SPSB1: variants seen among roughly 807,000 people sequenced by gnomAD.
The protein encoded by SPSB1 is splA/ryanodine receptor domain and SOCS box containing 1, also known as SPRY domain-containing SOCS box protein 1.
In SPSB1, 8 loss-of-function variants were observed where a neutral mutation model predicts 21.2. The observed-to-expected ratio is 0.38, with a 90% CI of 0.22 to 0.68. The LOEUF is 0.68. Ranked by LOEUF, SPSB1 falls within the 30% of genes least tolerant of loss-of-function variation. The pLI is 0.53. For synonymous variants in SPSB1, 169 were observed against 161.7 expected (o/e 1.05, Z -0.34); for missense variants, 242 against 377.8 (o/e 0.64, Z 2.98).
At chr1:9,359,856 G>GGGGGGGGCGGGGGC (rs1640440762) in intron 2 of SPSB1, among the ~76,000 whole-genome samples, 1 of 148,850 alleles carries the variant, frequency 6.7e-6, no homozygotes, top group African/African-American at 2.5e-5. Context: ...CCGGGGGGGT[G>GGGGGGGGCGGGGGC]GGTGGCGGGG....
chr1:9,341,126 T>C (rs528149713), intron 1 of SPSB1, among the ~76,000 whole-genome samples: 1 of 152,286 alleles, frequency 6.6e-6, no homozygotes, highest in East Asian at 1.9e-4. Flanking sequence ...GTTCTCAAAA[T>C]GTGATAAATG....
intron 1 of SPSB1, among the ~76,000 whole-genome samples, chr1:9,341,919 C>G (rs1640098157): frequency 6.6e-6 from 1 of 152,192 alleles, no homozygotes; most frequent in Non-Finnish European, 1.5e-5. Context: ...TCAGGCTGGT[C>G]TCGAACTCCC....
chr1:9,304,612 G>C (rs191717725), intron 1 of SPSB1, among the ~76,000 whole-genome samples: 104 of 152,278 alleles, frequency 6.8e-4, no homozygotes, highest in African/African-American at 2.4e-3. Context: ...TGTAGAGAAG[G>C]GTGAAGAATT....
rs1553128958 is a variant in SPSB1 at position 9,361,156 on chromosome 1, C to CCTTTTTTTTTTTTTTTTTTTTTTTTTTT, written c.694+4571_694+4572insCTTTTTTTTTTTTTTTTTTTTTTTTTTT. Among the ~76,000 whole-genome samples, 5 of 102,576 alleles carry CCTTTTTTTTTTTTTTTTTTTTTTTTTTT rather than the reference C, an allele frequency of 4.9e-5. 2 individuals are homozygous for CCTTTTTTTTTTTTTTTTTTTTTTTTTTT. The highest frequency in any genetic ancestry group is 2.0e-4 in the Admixed American group (2 of 9,786). 67.3% of individuals were successfully genotyped at this position (102,576 alleles called of 152,430 possible). A position where few individuals can be genotyped will look rare whatever the true frequency, so the allele number is the denominator to read the frequency against. ...CAGGCATGGCTGGATCTGTCATTTT[C>CCTTTTTTTTTTTTTTTTTTTTTTTTTTT]TTTTTTTTTTTTTTTTTTTTTTTTT... On this transcript the variant is annotated intron_variant, in intron 2 of 2. Coordinates refer to ENST00000328089, the MANE Select transcript of SPSB1 (RefSeq NM_025106.4).
At chr1:9,299,040 A>G (rs191647833) in intron 1 of SPSB1, among the ~76,000 whole-genome samples, 2,098 of 152,198 alleles carry the variant, frequency 0.014, 28 homozygotes, top group Non-Finnish European at 0.017. Flanking sequence ...TCCCCATTCA[A>G]CTCTCCGATT....
In SPSB1 at chr1:9,346,626, G is replaced by T. The variant is rs75674212; in HGVS notation, c.-149-9117G>T. ...GCTTTAATTGAAACACCATCGGGGGGTTGCCGGCAGGTGCTGTGCAGTCTG... is the reference window on the plus strand; with the variant it reads ...GCTTTAATTGAAACACCATCGGGGGTTTGCCGGCAGGTGCTGTGCAGTCTG... On this transcript the variant is annotated intron_variant, in intron 1 of 2. Transcript: ENST00000328089. The surrounding 1 kb of genome is among the most constrained non-coding windows in gnomAD (Gnocchi z 4.4). Among the ~76,000 whole-genome samples the T allele has an allele frequency of 6.6e-6, 1 of 152,174 alleles. No homozygotes were observed. Among genetic ancestry groups the T allele is most frequent in the African/African-American group, 2.4e-5 (1 of 41,426 alleles).
chr1:9,299,476 C>CTCTG (rs1434183928), intron 1 of SPSB1, among the ~76,000 whole-genome samples: 2 of 152,016 alleles, frequency 1.3e-5, no homozygotes, highest in Non-Finnish European at 2.9e-5. Context: ...TCATCTCTCT[C>CTCTG]TCTCTCTCTC....
chr1:9,354,583 C>T (rs182042973), intron 1 of SPSB1, among the ~76,000 whole-genome samples: 5 of 152,116 alleles, frequency 3.3e-5, no homozygotes, highest in South Asian at 2.1e-4. Flanking sequence ...GAGGCCAAGC[C>T]GGGTGGATCA....
At chr1:9,320,994 C>T (rs1444916502) in intron 1 of SPSB1, among the ~76,000 whole-genome samples, 1 of 152,156 alleles carries the variant, frequency 6.6e-6, no homozygotes, top group Non-Finnish European at 1.5e-5. Context: ...CTGGCTGCCA[C>T]TCTCCAGGCC....
At chr1:9,352,052 A>G (rs768319468) in intron 1 of SPSB1, among the ~76,000 whole-genome samples, 36 of 152,144 alleles carry the variant, frequency 2.4e-4, no homozygotes, top group Non-Finnish European at 4.1e-4. Flanking sequence ...CCTCACAGCC[A>G]TGTGGTCCAA....
In SPSB1 at chr1:9,367,684, G is replaced by C; in HGVS notation, c.*109G>C. 1 of 1,447,104 alleles carries C rather than the reference G, an allele frequency of 6.9e-7. No homozygotes were observed. The highest frequency in any genetic ancestry group is 2.5e-5 in the East Asian group (1 of 40,066). 89.6% of individuals were successfully genotyped at this position (1,447,104 alleles called of 1,614,324 possible). A position where few individuals can be genotyped will look rare whatever the true frequency, so the allele number is the denominator to read the frequency against. ...CCTTGGACCGGCATCCGTAGCCATGGACAGAGGTCCCTGGTCTTCCCTCAT... is the reference window on the plus strand; with the variant it reads ...CCTTGGACCGGCATCCGTAGCCATGCACAGAGGTCCCTGGTCTTCCCTCAT... On this transcript the variant is annotated 3_prime_UTR_variant, in exon 3 of 3. Coordinates refer to ENST00000328089, the MANE Select transcript of SPSB1 (RefSeq NM_025106.4). The surrounding 1 kb of genome is among the most constrained non-coding windows in gnomAD (Gnocchi z 5.9).
chr1:9,330,040 A>G (rs1182108161), intron 1 of SPSB1, among the ~76,000 whole-genome samples: 3 of 152,234 alleles, frequency 2.0e-5, no homozygotes, highest in Non-Finnish European at 2.9e-5. Context: ...GACCATCTGC[A>G]TGGGTCTCTT....
chr1:9,305,229 C>T lies in SPSB1; in HGVS notation c.-150+12158C>T, dbSNP rs982311332. Among the ~76,000 whole-genome samples the T allele has an allele frequency of 6.6e-6, 1 of 152,204 alleles. No individual in the cohort carries two copies. The highest frequency in any genetic ancestry group is 2.4e-5 in the African/African-American group (1 of 41,456). ...CCCGCCTCGGCTGGCCCGTTCCTAC[C>T]GGCTGGCCCATACCCTCTCGCTTCA... On this transcript the variant is annotated intron_variant, in intron 1 of 2. Transcript: ENST00000328089. This position sits in a 1 kb window ranked among gnomAD's most constrained non-coding sequence, Gnocchi z 4.8.
intron 2 of SPSB1, among the ~76,000 whole-genome samples, chr1:9,366,264 AT>A (rs1222170220): frequency 2.6e-5 from 4 of 152,112 alleles, no homozygotes; most frequent in Non-Finnish European, 5.9e-5. Flanking sequence ...GCTCTGGGGG[AT>A]CAGCTGAAAC....
rs1553128958 is a variant in SPSB1 at position 9,361,156 on chromosome 1, C to CCTTTTTTTTTTTTTTT, written c.694+4571_694+4572insCTTTTTTTTTTTTTTT. 4.2e-4 allele frequency among the ~76,000 whole-genome samples: 43 copies of CCTTTTTTTTTTTTTTT among 102,578 alleles called. 13 individuals are homozygous for CCTTTTTTTTTTTTTTT. The highest frequency in any genetic ancestry group is 5.5e-4 in the Non-Finnish European group (29 of 52,644). The allele number at this position is 102,578 out of a possible 152,430, so 67.3% of individuals were successfully genotyped here. ...CAGGCATGGCTGGATCTGTCATTTT[C>CCTTTTTTTTTTTTTTT]TTTTTTTTTTTTTTTTTTTTTTTTT... On this transcript the variant is annotated intron_variant, in intron 2 of 2. Transcript: ENST00000328089.
At position 9,324,937 on chromosome 1, in the gene SPSB1, C is replaced by T. The variant is rs1472548386; in HGVS notation, c.-149-30806C>T. ...GAGTGGGGTGGGGGAGCAGGGACACCCGGCCTGGCGGGCTGGTGGATCGGA... is the reference window on the plus strand; with the variant it reads ...GAGTGGGGTGGGGGAGCAGGGACACTCGGCCTGGCGGGCTGGTGGATCGGA... On this transcript the variant is annotated intron_variant, in intron 1 of 2. Transcript: ENST00000328089. The surrounding 1 kb of genome is among the most constrained non-coding windows in gnomAD (Gnocchi z 4.3). Among the ~76,000 whole-genome samples the T allele has an allele frequency of 6.6e-6, 1 of 152,206 alleles. No individual in the cohort carries two copies. Among genetic ancestry groups the T allele is most frequent in the East Asian group, 1.9e-4 (1 of 5,194 alleles).
intron 1 of SPSB1, among the ~76,000 whole-genome samples, chr1:9,350,243 G>A (rs986257195): frequency 3.9e-5 from 6 of 152,244 alleles, no homozygotes; most frequent in Non-Finnish European, 7.3e-5. Context: ...ACCCCTGCGT[G>A]TGACAGCTGA....
intron 1 of SPSB1, among the ~76,000 whole-genome samples, chr1:9,303,046 G>A (rs1297100716): frequency 1.3e-5 from 2 of 152,188 alleles, no homozygotes; most frequent in African/African-American, 4.8e-5. Flanking sequence ...GCTTCTTTGG[G>A]CTCCCTGTGC....
At chr1:9,320,379 T>TCCTTTCA (rs1403322257) in intron 1 of SPSB1, among the ~76,000 whole-genome samples, 1 of 152,158 alleles carries the variant, frequency 6.6e-6, no homozygotes, top group Non-Finnish European at 1.5e-5. Context: ...GGACTTTGCC[T>TCCTTTCA]CCTTTCACCT....
Sources: gnomAD v4.1 joint callset for allele counts (sites outside exome capture counted in the v4.1 genomes callset) on GRCh38, gnomAD v4.1.1 for gene constraint, Gnocchi (gnomAD v3.1) non-coding constraint, MANE v1.5 for transcripts, NCBI Gene and HGNC (gene_info 2026-07-23, HGNC 2026-07-21) for gene names.